DLGAP1: variants seen among roughly 807,000 people sequenced by gnomAD.
DLGAP1 encodes the protein DLG associated protein 1.
In DLGAP1, 11 loss-of-function variants were observed where a neutral mutation model predicts 90.8. That is an observed-to-expected ratio of 0.12 (90% CI 0.08 to 0.20). The LOEUF is 0.20. DLGAP1 is among the 10% of genes least tolerant of loss of function. The pLI is 1.00. For synonymous variants in DLGAP1, 558 were observed against 540.7 expected (o/e 1.03, Z -0.44); for missense variants, 1,050 against 1,333.8 (o/e 0.79, Z 3.31).
intron 3 of DLGAP1, among the ~76,000 whole-genome samples, chr18:3,900,770 G>A (rs2071764398): frequency 6.6e-6 from 1 of 152,146 alleles, no homozygotes; most frequent in Non-Finnish European, 1.5e-5. Context: ...TCTTCAATGT[G>A]GGAGTTTGAT....
intron 1 of DLGAP1, among the ~76,000 whole-genome samples, chr18:4,256,008 C>T (rs2078880770): frequency 6.6e-6 from 1 of 152,144 alleles, no homozygotes; most frequent in African/African-American, 2.4e-5. Flanking sequence ...AAGGGAAGCA[C>T]AGAGGGCTCT....
intron 1 of DLGAP1, among the ~76,000 whole-genome samples, chr18:4,251,172 GAGAT>G (rs1185551064): frequency 2.6e-5 from 4 of 152,310 alleles, no homozygotes; most frequent in South Asian, 4.2e-4. Flanking sequence ...GAGAGAGGGA[GAGAT>G]AGATAGACAG....
At chr18:3,668,252 C>G (rs1386682192) in intron 7 of DLGAP1, among the ~76,000 whole-genome samples, 2 of 152,178 alleles carry the variant, frequency 1.3e-5, no homozygotes, top group Non-Finnish European at 2.9e-5. Flanking sequence ...TTTGCAGCCC[C>G]CAAAACACTG....
chr18:4,185,076 C>A (rs996330546), intron 1 of DLGAP1, among the ~76,000 whole-genome samples: 4 of 151,988 alleles, frequency 2.6e-5, no homozygotes, highest in African/African-American at 9.7e-5. Flanking sequence ...CTTTTTATTC[C>A]CAGGGCCCTC....
At chr18:3,791,677 TA>T in intron 5 of DLGAP1, among the ~76,000 whole-genome samples, 1 of 152,352 alleles carries the variant, frequency 6.6e-6, no homozygotes, top group East Asian at 1.9e-4. Context: ...TTATGTGAAT[TA>T]AAATGTATTT....
chr18:4,245,372 T>C (rs971213911), intron 1 of DLGAP1, among the ~76,000 whole-genome samples: 1 of 152,252 alleles, frequency 6.6e-6, no homozygotes, highest in Non-Finnish European at 1.5e-5. Flanking sequence ...AAAAGACATA[T>C]GTACTTTTTT....
At chr18:3,862,715 T>A (rs2070151611) in intron 4 of DLGAP1, among the ~76,000 whole-genome samples, 1 of 152,162 alleles carries the variant, frequency 6.6e-6, no homozygotes, top group Admixed American at 6.5e-5. Flanking sequence ...GGGAAGTGAG[T>A]TGTACTTATT....
intron 1 of DLGAP1, among the ~76,000 whole-genome samples, chr18:4,384,143 T>A (rs932511306): frequency 2.0e-5 from 3 of 152,134 alleles, no homozygotes; most frequent in African/African-American, 4.8e-5. Flanking sequence ...ATCTGATGGA[T>A]AATGAAAAGT....
In DLGAP1 at chr18:3,704,280, G is replaced by T. The variant is rs139739939; in HGVS notation, c.1591+24855C>A. ...TGGCAATTCTGTTTCCCACATTAAAGAAAAAATTGACCGGGTGTGGTGGCT... is the reference window on the plus strand; with the variant it reads ...TGGCAATTCTGTTTCCCACATTAAATAAAAAATTGACCGGGTGTGGTGGCT... On this transcript the variant is annotated intron_variant, in intron 7 of 12. Transcript: ENST00000315677. Among the ~76,000 whole-genome samples the T allele has an allele frequency of 2.0e-3, 302 of 152,238 alleles. 3 individuals carry two copies. Among genetic ancestry groups the T allele is most frequent in the Non-Finnish European group, 3.1e-3 (210 of 67,984 alleles).
chr18:4,047,886 C>T (rs78699303), intron 2 of DLGAP1, among the ~76,000 whole-genome samples: 21,254 of 152,182 alleles, frequency 0.14, 1,587 homozygotes, highest in East Asian at 0.24. Context: ...GTCTGGTCTT[C>T]CCAGGTTCCA....
intron 2 of DLGAP1, among the ~76,000 whole-genome samples, chr18:4,041,731 T>C (rs1250024274): frequency 6.6e-6 from 1 of 152,234 alleles, no homozygotes; most frequent in Non-Finnish European, 1.5e-5. Context: ...TGGAGTTGGA[T>C]TCATGGGAAA....
intron 11 of DLGAP1, 141 bp from the exon 12 acceptor site, chr18:3,502,786 T>G (rs754637011): frequency 4.6e-6 from 4 of 866,032 alleles, no homozygotes; most frequent in Non-Finnish European, 7.0e-6. Context: ...AAAAGTGAGG[T>G]TACAAATGTT....
At position 4,000,109 on chromosome 18, in the gene DLGAP1, C is replaced by G. The variant is rs1599299184; in HGVS notation, c.-73+5007G>C. On this transcript the variant is annotated intron_variant, in intron 3 of 12. Transcript: ENST00000315677. ...GGATTACAGGTGTGAACCACTGCAC[C>G]CAGCCTCTTTTTGTATTTAGAAATG... Among the ~76,000 whole-genome samples the G allele has an allele frequency of 2.0e-5, 3 of 152,266 alleles. No individual in the cohort carries two copies. In the East Asian group the frequency reaches 5.8e-4, roughly 29 times the overall value.
rs368752720 is a variant in DLGAP1, at chr18:3,643,874, T to C, written c.1592-61626A>G. Among the ~76,000 whole-genome samples, 3 of 152,094 alleles carry C rather than the reference T, an allele frequency of 2.0e-5. No homozygotes were observed. In the East Asian group the frequency reaches 5.8e-4, roughly 29 times the overall value. On this transcript the variant is annotated intron_variant, in intron 7 of 12. Transcript: ENST00000315677. ...TGGTGGCACTCCTAGTGGTGTCCAC[T>C]GGGAAAGCCTACGGAGGGTAATTTG...
At chr18:3,864,912 C>T (rs17650376) in intron 4 of DLGAP1, among the ~76,000 whole-genome samples, 17,770 of 151,448 alleles carry the variant, frequency 0.12, 1,205 homozygotes, top group Admixed American at 0.19. Flanking sequence ...ATATCTTTTC[C>T]TTCAAACCTG....
chr18:3,590,824 A>T lies in DLGAP1; in HGVS notation c.1592-8576T>A, dbSNP rs563907693. On this transcript the variant is annotated intron_variant, in intron 7 of 12. Coordinates refer to ENST00000315677, the MANE Select transcript of DLGAP1 (RefSeq NM_004746.4). Reference sequence around the variant, plus strand: ...GAGCCGCAGAGGTTGTAGTGAGCCGAGACGGTGCCATTGCACTCCAGCCTG... The same window carrying T: ...GAGCCGCAGAGGTTGTAGTGAGCCGTGACGGTGCCATTGCACTCCAGCCTG... Among the ~76,000 whole-genome samples, 25 of 152,156 alleles carry T rather than the reference A, an allele frequency of 1.6e-4. No individual in the cohort carries two copies. The East Asian group carries it at 4.6e-3, about 28-fold the overall frequency.
At chr18:4,299,118 A>G (rs973153419) in intron 1 of DLGAP1, among the ~76,000 whole-genome samples, 67 of 151,544 alleles carry the variant, frequency 4.4e-4, no homozygotes, top group Non-Finnish European at 1.6e-4. Context: ...AAATAGAAGC[A>G]AATTCTTGGG....
intron 7 of DLGAP1, among the ~76,000 whole-genome samples, chr18:3,629,095 T>G (rs2058421826): frequency 6.6e-6 from 1 of 152,234 alleles, no homozygotes; most frequent in African/African-American, 2.4e-5. Context: ...GAATTCCTAT[T>G]GCTGCTGCAT....
chr18:3,611,231 C>A (rs2057607769), intron 7 of DLGAP1, among the ~76,000 whole-genome samples: 1 of 152,016 alleles, frequency 6.6e-6, no homozygotes, highest in Non-Finnish European at 1.5e-5. Context: ...TGTAAACTTC[C>A]CTACAGCTCC....
Sources: allele counts gnomAD v4.1 joint callset (sites outside exome capture counted in the v4.1 genomes callset), GRCh38; gene constraint gnomAD v4.1.1; transcripts MANE v1.5; gene names NCBI Gene and HGNC (gene_info 2026-07-23, HGNC 2026-07-21).